Variants in ANKRD12 observed in about 807,000 individuals in gnomAD.
ANKRD12 encodes ankyrin repeat domain-containing protein 12.
ANKRD12 carries 85 observed loss-of-function variants against 183.4 expected under a neutral mutation model. The observed-to-expected ratio is 0.46, with a 90% CI of 0.39 to 0.56. The LOEUF (loss-of-function observed/expected upper bound fraction) is 0.56, where lower values mean the gene tolerates loss of function less well. Ranked by LOEUF, ANKRD12 falls within the 20% of genes least tolerant of loss-of-function variation. ANKRD12 has a pLI of 0.00. For missense variants in ANKRD12, 2,405 were observed against 2,357.1 expected (o/e 1.02, Z -0.42); for synonymous variants, 914 against 800.2 (o/e 1.14, Z -2.40).
chr18:9,239,014 C>T (rs1168801748), intron 8 of ANKRD12, among the ~76,000 whole-genome samples: 3 of 152,044 alleles, frequency 2.0e-5, no homozygotes, highest in African/African-American at 4.8e-5. Flanking sequence ...CCCAGCTATT[C>T]GGGATGGGGC....
chr18:9,236,569 C>T (rs1195612151), intron 8 of ANKRD12, among the ~76,000 whole-genome samples: 1 of 151,710 alleles, frequency 6.6e-6, no homozygotes, highest in Non-Finnish European at 1.5e-5. Flanking sequence ...AGATAAATCT[C>T]CAAAACATAG....
chr18:9,247,361 C>T (rs1263889240), intron 8 of ANKRD12, among the ~76,000 whole-genome samples: 3 of 151,534 alleles, frequency 2.0e-5, no homozygotes, highest in African/African-American at 7.3e-5. Flanking sequence ...TACCTGTAGT[C>T]CTAGCTACTT....
chr18:9,179,403 A>G (rs905562133), intron 1 of ANKRD12, among the ~76,000 whole-genome samples: 1 of 152,158 alleles, frequency 6.6e-6, no homozygotes, highest in African/African-American at 2.4e-5. Flanking sequence ...TGGTTTGCTG[A>G]GAGTTGTTTA....
At chr18:9,148,112 A>T (rs2078554504) in intron 1 of ANKRD12, among the ~76,000 whole-genome samples, 1 of 152,188 alleles carries the variant, frequency 6.6e-6, no homozygotes, top group Admixed American at 6.5e-5. Flanking sequence ...AAGCTGGCTA[A>T]CCATTTTCTC....
intron 8 of ANKRD12, among the ~76,000 whole-genome samples, chr18:9,226,094 G>A (rs2036691802): frequency 6.6e-6 from 1 of 152,046 alleles, no homozygotes; most frequent in Admixed American, 6.5e-5. Flanking sequence ...TTTTTGAAAT[G>A]CCTCCACCTG....
intron 1 of ANKRD12, among the ~76,000 whole-genome samples, chr18:9,178,796 T>A (rs548957678): frequency 6.6e-6 from 1 of 152,188 alleles, no homozygotes; most frequent in Non-Finnish European, 1.5e-5. Flanking sequence ...GGCATATCTT[T>A]CCATATATTT....
Position 9,275,607 on chromosome 18 carries a change from A to G in ANKRD12, c.5847A>G (p.Pro1949=), listed in dbSNP as rs1163653577. The change falls in exon 11 of 13, where the codon CCA becomes CCG. Residue 1949 remains proline, a synonymous_variant. Coordinates refer to ENST00000262126, the MANE Select transcript of ANKRD12 (RefSeq NM_015208.5). ...AARTLANQTL[P]FSACTVLLDA... ...GAACATTGGCAAATCAAACACTGCC[A>G]TTTAGTGCTTGTACTGTTTTGCTGG... The G allele has an allele frequency of 1.2e-6, 2 of 1,609,712 alleles. No homozygotes were observed. Among genetic ancestry groups the G allele is most frequent in the African/African-American group, 2.7e-5 (2 of 74,904 alleles).
intron 1 of ANKRD12, 48 bp from the exon 2 acceptor site, chr18:9,182,334 C>CCTCAGGTAGGTT: frequency 2.0e-6 from 1 of 507,656 alleles, no homozygotes; most frequent in Non-Finnish European, 3.2e-6. Flanking sequence ...TGGTGCGTAA[C>CCTCAGGTAGGTT]CTATTGTATA....
chr18:9,147,966 A>G (rs533082869), intron 1 of ANKRD12, among the ~76,000 whole-genome samples: 1 of 152,308 alleles, frequency 6.6e-6, no homozygotes, highest in East Asian at 1.9e-4. Context: ...GAATTTTTCT[A>G]GTTTTCAGGG....
chr18:9,241,452 AGAACCTTG>A (rs1335878922), intron 8 of ANKRD12, among the ~76,000 whole-genome samples: 1 of 152,192 alleles, frequency 6.6e-6, no homozygotes, highest in East Asian at 1.9e-4. Context: ...TAGTAAACCA[AGAACCTTG>A]TTTTATTTAA....
At chr18:9,238,338 A>G (rs1399948337) in intron 8 of ANKRD12, among the ~76,000 whole-genome samples, 1 of 152,122 alleles carries the variant, frequency 6.6e-6, no homozygotes, top group Non-Finnish European at 1.5e-5. Flanking sequence ...TTTTACTACC[A>G]TTTATGTAAT....
At chr18:9,189,694 G>GA (rs1443114021) in intron 2 of ANKRD12, among the ~76,000 whole-genome samples, 1 of 152,138 alleles carries the variant, frequency 6.6e-6, no homozygotes, top group East Asian at 1.9e-4. Context: ...CTTATCAATG[G>GA]AAAAACAGTG....
chr18:9,263,138 ATCAGCT>A (rs2039078001), intron 9 of ANKRD12, among the ~76,000 whole-genome samples: 1 of 152,196 alleles, frequency 6.6e-6, no homozygotes, highest in East Asian at 1.9e-4. Context: ...CATAGATTGA[ATCAGCT>A]TCCTTAACCT....
In ANKRD12 at chr18:9,159,963, C is replaced by T. The variant is rs117411350; in HGVS notation, c.-51-22419C>T. On this transcript the variant is annotated intron_variant, in intron 1 of 12. Transcript: ENST00000262126. Reference sequence around the variant, plus strand: ...GGGACTACAGATGTCCACCACCACACGCAGCTCATTTTAAAATATTTGTTA... The same window carrying T: ...GGGACTACAGATGTCCACCACCACATGCAGCTCATTTTAAAATATTTGTTA... Among the ~76,000 whole-genome samples the T allele has an allele frequency of 6.7e-3, 1,020 of 152,040 alleles. 3 individuals are homozygous for T. The highest frequency in any genetic ancestry group is 0.01 in the Non-Finnish European group (686 of 67,974).
intron 8 of ANKRD12, among the ~76,000 whole-genome samples, chr18:9,240,621 C>T (rs1473978238): frequency 6.6e-6 from 1 of 152,208 alleles, no homozygotes; most frequent in African/African-American, 2.4e-5. Flanking sequence ...AAATGCCAGT[C>T]ATTGTCAAAA....
At chr18:9,180,177 T>A (rs2033599739) in intron 1 of ANKRD12, among the ~76,000 whole-genome samples, 2 of 152,178 alleles carry the variant, frequency 1.3e-5, no homozygotes, top group African/African-American at 4.8e-5. Context: ...TGTGTTGTCT[T>A]AGTGTATTGA....
At chr18:9,187,287 A>T (rs1018159334) in intron 2 of ANKRD12, among the ~76,000 whole-genome samples, 3 of 152,118 alleles carry the variant, frequency 2.0e-5, no homozygotes, top group African/African-American at 7.2e-5. Flanking sequence ...ATGTGTTGAT[A>T]CACAGCTGTA....
At chr18:9,165,171 A>T (rs1410952821) in intron 1 of ANKRD12, among the ~76,000 whole-genome samples, 1 of 151,440 alleles carries the variant, frequency 6.6e-6, no homozygotes, top group South Asian at 2.1e-4. Context: ...TCTTTTTTTG[A>T]TCTTTGTTGT....
chr18:9,183,628 C>T (rs1261072152), intron 2 of ANKRD12, among the ~76,000 whole-genome samples: 2 of 152,054 alleles, frequency 1.3e-5, no homozygotes, highest in Non-Finnish European at 2.9e-5. Context: ...TTCCTTAGGA[C>T]TTTCTACATA....
Sources: allele counts gnomAD v4.1 joint callset (sites outside exome capture counted in the v4.1 genomes callset), GRCh38; gene constraint gnomAD v4.1.1; transcripts MANE v1.5; gene names NCBI Gene and HGNC (gene_info 2026-07-23, HGNC 2026-07-21).